NSUN5: variants seen among roughly 807,000 people sequenced by gnomAD.
The protein encoded by NSUN5 is NOP2/Sun RNA methyltransferase 5, also known as 28S rRNA (cytosine-C(5))-methyltransferase.
NSUN5 carries 39 observed loss-of-function variants against 51.1 expected under a neutral mutation model. The observed-to-expected ratio is 0.76, with a 90% CI of 0.59 to 1.00. The LOEUF (loss-of-function observed/expected upper bound fraction) is 1.00. NSUN5 is among the 50% of genes least tolerant of loss of function. NSUN5 has a pLI of 0.00. For synonymous variants in NSUN5, 266 were observed against 271.5 expected (o/e 0.98, Z 0.20); for missense variants, 526 against 614.0 (o/e 0.86, Z 1.51).
rs1385472651 is a variant in NSUN5, at chr7:73,307,609, A to C, written c.365T>G (p.Leu122Trp). ...TGGACCAGGCCTGGATCCCACTTCC[A>C]ACAGGTCCTCATTCCGGCTCACACC... is the stretch of plus-strand genomic sequence containing the variant. ...HRGVSRNEDL[L>W]EVGSRPGPAS... Residue 122 changes from leucine to tryptophan, a missense_variant, in exon 3 of 10, where the codon TTG becomes TGG. By Grantham distance (61) the Leu-to-Trp change is moderately conservative. Transcript: ENST00000438747. 2 of 1,403,700 alleles carry C rather than the reference A, an allele frequency of 1.4e-6. No homozygotes were observed. Among genetic ancestry groups the C allele is most frequent in the African/African-American group, 3.5e-5 (2 of 57,408 alleles). The allele number at this position is 1,403,700 out of a possible 1,614,324, so 87.0% of individuals were successfully genotyped here. A position where few individuals can be genotyped will look rare whatever the true frequency, so the allele number is the denominator to read the frequency against.
chr7:73,307,424 T>C lies in NSUN5; in HGVS notation c.470A>G (p.Gln157Arg), dbSNP rs1554541955. Residue 157 changes from glutamine to arginine, a missense_variant, in exon 4 of 10, where the codon CAA (glutamine) becomes CGA (arginine). Transcript: ENST00000438747. ...SDDVVDYFKRQGFSYQGRASS... is the reference protein window; with the variant it reads ...SDDVVDYFKRRGFSYQGRASS... ...AGCCCGACCCTGATAGGAGAAACCT[T>C]GTCTCTTGAAATAATCAACTACATC... 6.2e-7 allele frequency: 1 copy of C among 1,614,092 alleles called. No individual in the cohort carries two copies. Among genetic ancestry groups the C allele is most frequent in the Non-Finnish European group, 8.5e-7 (1 of 1,180,000 alleles).
Position 73,303,244 on chromosome 7 carries a change from A to C in NSUN5, c.*171T>G. 2 of 1,594,494 alleles carry C rather than the reference A, an allele frequency of 1.3e-6. No individual in the cohort carries two copies. The highest frequency in any genetic ancestry group is 2.2e-5 in the South Asian group (2 of 89,872). On this transcript the variant is annotated 3_prime_UTR_variant, in exon 10 of 10. Transcript: ENST00000438747. ...TGATCTATCGTAGAGTACGTTCTGC[A>C]TTTTATTTTTGCAGGCAACACTTTG...
chr7:73,307,817 T>A, intron 2 of NSUN5, 60 bp from the exon 3 acceptor site: 2 of 1,434,370 alleles, frequency 1.4e-6, no homozygotes, highest in Non-Finnish European at 1.9e-6. Flanking sequence ...CATGAATGCC[T>A]TAGAACTAAC....
rs146017854 is a variant in NSUN5, at chr7:73,303,441, C to T, written c.1375G>A (p.Gly459Ser). 4.6e-5 allele frequency: 74 copies of T among 1,614,072 alleles called. No individual in the cohort carries two copies. The highest frequency in any genetic ancestry group is 3.1e-4 in the South Asian group (28 of 91,086). Residue 459 changes from glycine (G) to serine (S), a missense_variant, in exon 10 of 10, where the codon GGT (glycine) becomes AGT (serine). Physicochemically the swap from Gly to Ser is moderately conservative, Grantham distance 56 (BLOSUM62 0). Coordinates refer to ENST00000438747, the MANE Select transcript of NSUN5 (RefSeq NM_148956.4). ...TATGTGCAAGGCGGTGTGCAAGCAC[C>T]GGCTGCGGCTCTTTGCTGTCTCTTC... ...RKKRQQRAAA[G>S]ACTPPCT
intron 2 of NSUN5, chr7:73,308,119 G>C: frequency 2.2e-6 from 1 of 450,228 alleles, no homozygotes; most frequent in Admixed American, 3.8e-5. Context: ...CTGCAGCTTC[G>C]ACCTCCTGGG....
Position 73,305,110 on chromosome 7 carries a change from A to G in NSUN5, c.501-13T>C, listed in dbSNP as rs1554541650. On this transcript the variant is annotated splice_polypyrimidine_tract_variant and intron_variant, in intron 4 of 9. Coordinates refer to ENST00000438747, the MANE Select transcript of NSUN5 (RefSeq NM_148956.4). ...TAAGTCATCGAGGCTGCCAGGGAAG[A>G]ACCATTCATTCATTTCCTGAATTTC... 1.2e-6 allele frequency: 2 copies of G among 1,609,972 alleles called. No homozygotes were observed. The highest frequency in any genetic ancestry group is 1.7e-6 in the Non-Finnish European group (2 of 1,177,388).
Position 73,307,421 on chromosome 7 carries a change from C to A in NSUN5, c.473G>T (p.Gly158Val). The A allele has an allele frequency of 1.2e-6, 2 of 1,614,130 alleles. No individual in the cohort carries two copies. The highest frequency in any genetic ancestry group is 1.7e-6 in the Non-Finnish European group (2 of 1,180,002). The change falls in exon 4 of 10, where the codon GGT becomes GTT. Residue 158 changes from glycine (G) to valine (V), a missense_variant. Coordinates refer to ENST00000438747, the MANE Select transcript of NSUN5 (RefSeq NM_148956.4). Reference protein sequence around the residue: ...DDVVDYFKRQGFSYQGRASSL... With the variant: ...DDVVDYFKRQVFSYQGRASSL... ...GGAAGCCCGACCCTGATAGGAGAAA[C>A]CTTGTCTCTTGAAATAATCAACTAC...
At chr7:73,304,650 G>C (rs1375998806) in intron 6 of NSUN5, 97 bp downstream of exon 6, 4 of 1,125,116 alleles carry the variant, frequency 3.6e-6, no homozygotes, top group Non-Finnish European at 5.4e-6. Context: ...GGTGCAGCAA[G>C]AAAGACTTAA....
At chr7:73,308,244 T>C (rs1200589242) in intron 2 of NSUN5, 187 bp downstream of exon 2, 3 of 754,314 alleles carry the variant, frequency 4.0e-6, no homozygotes, top group Non-Finnish European at 6.1e-6. Flanking sequence ...GGTTATTTAA[T>C]CCTTCAAAAC....
In NSUN5 at chr7:73,305,067, C is replaced by T; in HGVS notation, c.531G>A (p.Lys177=). 5 of 1,609,968 alleles carry T rather than the reference C, an allele frequency of 3.1e-6. No individual in the cohort carries two copies. The highest frequency in any genetic ancestry group is 4.2e-6 in the Non-Finnish European group (5 of 1,177,558). ...GCATCAAGGGGTCCAGGAGAAAATG[C>T]TTCCCCTTGAGGGCTCGTAAGTCAT... The part of the protein sequence containing the change: ...SLDDLRALKG[K]HFLLDPLMPE... The change falls in exon 5 of 10, where the codon AAG becomes AAA. Residue 177 remains lysine (K), a synonymous_variant. Coordinates refer to ENST00000438747, the MANE Select transcript of NSUN5 (RefSeq NM_148956.4).
intron 4 of NSUN5, among the ~76,000 whole-genome samples, chr7:73,305,991 G>A (rs1554541768): frequency 6.6e-6 from 1 of 152,172 alleles, no homozygotes; most frequent in Non-Finnish European, 1.5e-5. Flanking sequence ...GGAGGCACGG[G>A]GCAGGGACCA....
In NSUN5 at chr7:73,305,021, C is replaced by T. The variant is rs782248530; in HGVS notation, c.577G>A (p.Ala193Thr). 1.1e-5 allele frequency: 18 copies of T among 1,610,748 alleles called. No individual in the cohort carries two copies. The highest frequency in any genetic ancestry group is 1.7e-5 in the Admixed American group (1 of 59,920). The change falls in exon 5 of 10, where the codon GCC (alanine) becomes ACC (threonine). Residue 193 changes from alanine to threonine, a missense_variant. By Grantham distance (58) the Ala-to-Thr change is moderately conservative (BLOSUM62 0). Transcript: ENST00000438747. Reference protein sequence around the residue: ...PLMPELLVFPAQTDLHEHPLY... With the variant: ...PLMPELLVFPTQTDLHEHPLY... ...GGGTGTTCATGCAGATCTGTCTGGG[C>T]GGGAAACACCAGCAGCTCCGGCATC...
Position 73,303,231 on chromosome 7 carries a change from G to A in NSUN5, c.*184C>T. 1 of 1,573,580 alleles carries A rather than the reference G, an allele frequency of 6.4e-7. No individual in the cohort carries two copies. Among genetic ancestry groups the A allele is most frequent in the Non-Finnish European group, 8.6e-7 (1 of 1,159,496 alleles). ...GAATAAAAAACTGTGATCTATCGTAGAGTACGTTCTGCATTTTATTTTTGC... is the reference window on the plus strand; with the variant it reads ...GAATAAAAAACTGTGATCTATCGTAAAGTACGTTCTGCATTTTATTTTTGC... On this transcript the variant is annotated 3_prime_UTR_variant, in exon 10 of 10. Transcript: ENST00000438747.
At chr7:73,305,606 T>A (rs1804008249) in intron 4 of NSUN5, among the ~76,000 whole-genome samples, 1 of 151,662 alleles carries the variant, frequency 6.6e-6, no homozygotes, top group African/African-American at 2.4e-5. Flanking sequence ...CAGAAAAAGT[T>A]TACTTTACAG....
Position 73,303,671 on chromosome 7 carries a change from GAGGCA to G in NSUN5, c.1210_1214del (p.Cys404ProfsTer5), listed in dbSNP as rs782373840. 1.2e-6 allele frequency: 2 copies of G among 1,614,182 alleles called. No homozygotes were observed. The highest frequency in any genetic ancestry group is 4.5e-5 in the East Asian group (2 of 44,884). ...TGAGTGTGGTCTCAGGGGAGGCCCG[GAGGCA>G]GTGCTCGGCACCCGGGAACGTGCTC... On this transcript the variant is annotated frameshift_variant, in exon 9 of 10. Coordinates refer to ENST00000438747, the MANE Select transcript of NSUN5 (RefSeq NM_148956.4). LOFTEE classifies it high-confidence loss of function.
At position 73,303,623 on chromosome 7, in the gene NSUN5, T is replaced by C. The variant is rs782621751; in HGVS notation, c.1263A>G (p.Val421=). 12 of 1,614,014 alleles carry C rather than the reference T, an allele frequency of 7.4e-6. No individual in the cohort carries two copies. The highest frequency in any genetic ancestry group is 9.3e-6 in the Non-Finnish European group (11 of 1,180,038). The change falls in exon 9 of 10, where the codon GTA becomes GTG. Residue 421 remains valine (V), a synonymous_variant. Transcript: ENST00000438747. ...TTLSSGFFVA[V]IERVEVPSSA... ...ACCTTGGCACCTCGACCCGTTCAATTACAGCAACGAAGAAGCCACTGCTGA... is the reference window on the plus strand; with the variant it reads ...ACCTTGGCACCTCGACCCGTTCAATCACAGCAACGAAGAAGCCACTGCTGA...
rs782327762 is a variant in NSUN5, at chr7:73,303,937, G to A, written c.1034C>T (p.Ala345Val). ...CCGCTGCAGGGAAGGGAAAGTGAGTGCGTGGCACAGGGCTCGCTGCTGGAA... is the reference window on the plus strand; with the variant it reads ...CCGCTGCAGGGAAGGGAAAGTGAGTACGTGGCACAGGGCTCGCTGCTGGAA... ...AGFQQRALCH[A>V]LTFPSLQRLV... The change falls in exon 8 of 10, where the codon GCA becomes GTA. Residue 345 changes from alanine to valine, a missense_variant. Physicochemically the swap from Ala to Val is moderately conservative, Grantham distance 64. Transcript: ENST00000438747. 7 of 1,613,934 alleles carry A rather than the reference G, an allele frequency of 4.3e-6. No homozygotes were observed. Among genetic ancestry groups the A allele is most frequent in the South Asian group, 2.2e-5 (2 of 91,084 alleles).
intron 4 of NSUN5, 89 bp from the exon 5 acceptor site, chr7:73,305,186 C>T: frequency 6.7e-7 from 1 of 1,503,132 alleles, no homozygotes. Flanking sequence ...AATGTTACCA[C>T]AGCTATGGAG....
chr7:73,307,604 C>T lies in NSUN5; in HGVS notation c.370G>A (p.Val124Met). The change falls in exon 3 of 10, where the codon GTG (valine) becomes ATG (methionine). Residue 124 changes from valine (V) to methionine (M), a missense_variant. By Grantham distance (21) the Val-to-Met change is conservative (BLOSUM62 1). Transcript: ENST00000438747. ...GVSRNEDLLE[V>M]GSRPGPASQL... ...TTACCTGGACCAGGCCTGGATCCCA[C>T]TTCCAACAGGTCCTCATTCCGGCTC... 6.2e-7 allele frequency: 1 copy of T among 1,610,526 alleles called. No individual in the cohort carries two copies. Among genetic ancestry groups the T allele is most frequent in the Non-Finnish European group, 8.5e-7 (1 of 1,179,136 alleles).
Sources: gnomAD v4.1 joint callset for allele counts (sites outside exome capture counted in the v4.1 genomes callset) on GRCh38, gnomAD v4.1.1 for gene constraint, MANE v1.5 for transcripts, NCBI Gene and HGNC (gene_info 2026-07-23, HGNC 2026-07-21) for gene names.